Variants in TAFA2 observed in about 807,000 individuals in gnomAD.
TAFA2 encodes TAFA chemokine like family member 2, also known as chemokine-like protein TAFA-2.
TAFA2 carries 7 observed loss-of-function variants against 18.8 expected under a neutral mutation model. That is an observed-to-expected ratio of 0.37 (90% CI 0.21 to 0.70). The LOEUF is 0.70. Ranked by LOEUF, TAFA2 falls within the 30% of genes least tolerant of loss-of-function variation. The probability of loss-of-function intolerance (pLI) is 0.53; values close to 1 mark genes in which losing one functional copy is unlikely to be tolerated. For synonymous variants in TAFA2, 60 were observed against 54.2 expected, an observed-to-expected ratio of 1.11 and a Z score of -0.47; for missense variants, 122 against 158.1, an observed-to-expected ratio of 0.77 and a Z score of 1.23.
intron 1 of TAFA2, among the ~76,000 whole-genome samples, chr12:62,143,769 G>A (rs928966497): frequency 7.2e-5 from 11 of 152,050 alleles, no homozygotes; most frequent in Admixed American, 1.3e-4. Flanking sequence ...TCGGCAGGGT[G>A]TGGTGGCTTA....
intron 1 of TAFA2, among the ~76,000 whole-genome samples, chr12:62,097,577 T>A (rs1869006186): frequency 6.6e-6 from 1 of 152,178 alleles, no homozygotes; most frequent in Admixed American, 6.5e-5. Flanking sequence ...TAAACAGTAT[T>A]GACATGATCT....
At chr12:62,235,148 C>G (rs2062830938) in intron 1 of TAFA2, 8 of 658,798 alleles carry the variant, frequency 1.2e-5, no homozygotes, top group Non-Finnish European at 2.0e-5. Flanking sequence ...AAATCATCAT[C>G]TCTTGCTGAG....
intron 2 of TAFA2, among the ~76,000 whole-genome samples, chr12:61,837,326 G>A (rs138828557): frequency 2.4e-4 from 36 of 151,776 alleles, no homozygotes; most frequent in African/African-American, 8.4e-4. Flanking sequence ...TTCCATATGC[G>A]ATTCCTTCTC....
upstream of TAFA2, among the ~76,000 whole-genome samples, chr12:62,195,005 T>C (rs2062643188): frequency 6.6e-6 from 1 of 152,212 alleles, no homozygotes; most frequent in South Asian, 2.1e-4. Flanking sequence ...TCCTAATCTC[T>C]TTGCTGATGG....
chr12:62,119,685 C>T (rs569616747), intron 1 of TAFA2, among the ~76,000 whole-genome samples: 136 of 152,160 alleles, frequency 8.9e-4, no homozygotes, highest in African/African-American at 2.9e-3. Flanking sequence ...AAAGGCACAC[C>T]AAAAAGTAAA....
chr12:62,161,681 T>C (rs1006734779), intron 1 of TAFA2, among the ~76,000 whole-genome samples: 1 of 152,208 alleles, frequency 6.6e-6, no homozygotes, highest in African/African-American at 2.4e-5. Flanking sequence ...ATTGTACTTG[T>C]ACCCATAAAT....
At chr12:62,197,353 G>A (rs138780063), upstream of TAFA2, among the ~76,000 whole-genome samples, 1,073 of 152,290 alleles carry the variant, frequency 7.0e-3, 9 homozygotes, top group African/African-American at 0.024. Context: ...GAACTTAACT[G>A]GATTGTAACT....
chr12:61,884,131 G>C lies in TAFA2; in HGVS notation c.-1-16705C>G, dbSNP rs563697285. On this transcript the variant is annotated intron_variant, in intron 1 of 4. Transcript: ENST00000416284. ...AGACACAGAATTTAGAACATGCAAA[G>C]AGTATGAATGGCAAGTAATCTCATT... Among the ~76,000 whole-genome samples the C allele has an allele frequency of 3.9e-5, 6 of 152,294 alleles. No homozygotes were observed. The South Asian group carries it at 1.2e-3, about 32-fold the overall frequency.
At chr12:61,867,728 T>A (rs1874421894) in intron 1 of TAFA2, among the ~76,000 whole-genome samples, 1 of 152,188 alleles carries the variant, frequency 6.6e-6, no homozygotes, top group East Asian at 1.9e-4. Flanking sequence ...AAACATAGAT[T>A]TAGTTTATTA....
chr12:61,779,253 A>G lies in TAFA2; in HGVS notation c.107-24229T>C, dbSNP rs568342378. 3.3e-5 allele frequency among the ~76,000 whole-genome samples: 5 copies of G among 151,928 alleles called. No individual in the cohort carries two copies. The South Asian group carries it at 1.0e-3, about 32-fold the overall frequency. ...AGTGATGTGTGTGTGTGAGAGACAG[A>G]GAATCCAAAGAGAGTTTAATCCAAT... On this transcript the variant is annotated intron_variant, in intron 2 of 4. Transcript: ENST00000416284.
At chr12:62,186,689 A>G (rs1044748514) in intron 1 of TAFA2, among the ~76,000 whole-genome samples, 4 of 152,210 alleles carry the variant, frequency 2.6e-5, no homozygotes, top group African/African-American at 9.6e-5. Flanking sequence ...ACTATGGAGT[A>G]ACTTAGGAGA....
At chr12:62,000,256 A>C (rs889939062) in intron 1 of TAFA2, among the ~76,000 whole-genome samples, 1 of 115,412 alleles carries the variant, frequency 8.7e-6, no homozygotes, top group Admixed American at 1.2e-4. Flanking sequence ...GGTTTTCATT[A>C]TCCTAACTAT....
At chr12:62,212,545 A>C (rs983231260) in intron 1 of TAFA2, among the ~76,000 whole-genome samples, 1 of 152,106 alleles carries the variant, frequency 6.6e-6, no homozygotes, top group African/African-American at 2.4e-5. Context: ...AAGTCGTCTG[A>C]CATCCATGAA....
At chr12:62,037,148 T>A (rs909651000) in intron 1 of TAFA2, among the ~76,000 whole-genome samples, 26 of 152,358 alleles carry the variant, frequency 1.7e-4, no homozygotes, top group Admixed American at 1.7e-3. Flanking sequence ...AATGTTTATT[T>A]TGCTTAGTGC....
intron 1 of TAFA2, among the ~76,000 whole-genome samples, chr12:62,204,540 T>C (rs2062684214): frequency 6.6e-6 from 1 of 152,184 alleles, no homozygotes; most frequent in African/African-American, 2.4e-5. Context: ...TATTCTTTTT[T>C]TCTCTAATAT....
chr12:62,064,143 A>G (rs1882426134), intron 1 of TAFA2, among the ~76,000 whole-genome samples: 1 of 152,112 alleles, frequency 6.6e-6, no homozygotes, highest in Non-Finnish European at 1.5e-5. Flanking sequence ...TAACTAACAA[A>G]TGACAGCGCT....
chr12:61,831,074 C>T (rs1177346055), intron 2 of TAFA2, among the ~76,000 whole-genome samples: 1 of 151,920 alleles, frequency 6.6e-6, no homozygotes, highest in Non-Finnish European at 1.5e-5. Context: ...AGTGGGTCAC[C>T]CTAGACAAAT....
At chr12:61,826,338 C>CTGTGTGTGTGTGTGTGTGTGTGTGTG (rs57736074) in intron 2 of TAFA2, among the ~76,000 whole-genome samples, 13 of 149,030 alleles carry the variant, frequency 8.7e-5, no homozygotes, top group African/African-American at 3.2e-4. Flanking sequence ...ATTAGTTCAT[C>CTGTGTGTGTGTGTGTGTGTGTGTGTG]TGTGTGTGTG....
chr12:62,138,793 AC>A (rs2062217223), intron 1 of TAFA2, among the ~76,000 whole-genome samples: 1 of 152,206 alleles, frequency 6.6e-6, no homozygotes, highest in Non-Finnish European at 1.5e-5. Flanking sequence ...AGTTCAGTGC[AC>A]CACTTAAGAC....
Sources: allele counts gnomAD v4.1 joint callset (sites outside exome capture counted in the v4.1 genomes callset), GRCh38; gene constraint gnomAD v4.1.1; transcripts MANE v1.5; gene names NCBI Gene and HGNC (gene_info 2026-07-23, HGNC 2026-07-21).